MED12L: variants seen among roughly 807,000 people sequenced by gnomAD.
MED12L encodes mediator complex subunit 12L, also known as mediator of RNA polymerase II transcription subunit 12-like protein.
A neutral mutation model predicts 281.3 loss-of-function variants in MED12L; 60 were observed. The ratio of observed to expected loss-of-function variants is 0.21; its 90% confidence interval spans 0.17 to 0.26. MED12L has a LOEUF of 0.26. MED12L is among the 10% of genes least tolerant of loss of function. The pLI, the probability that MED12L is intolerant of heterozygous loss-of-function variation, is 1.00. For synonymous variants in MED12L, 974 were observed against 987.2 expected, an observed-to-expected ratio of 0.99 and a Z score of 0.25; for missense variants, 2,146 against 2,680.9, an observed-to-expected ratio of 0.80 and a Z score of 4.41.
intron 16 of MED12L, among the ~76,000 whole-genome samples, chr3:151,336,110 A>G (rs7644001): frequency 0.4 from 60,780 of 151,950 alleles, 12,484 homozygotes; most frequent in African/African-American, 0.49. Flanking sequence ...GCAAAAGAAG[A>G]AGGTTAGATT....
chr3:151,275,718 A>C (rs1047610828), intron 16 of MED12L, among the ~76,000 whole-genome samples: 1 of 152,198 alleles, frequency 6.6e-6, no homozygotes, highest in African/African-American at 2.4e-5. Context: ...GAACCAGAAA[A>C]TTTAGTAAAG....
At chr3:151,098,753 A>G (rs1721045023) in intron 2 of MED12L, among the ~76,000 whole-genome samples, 1 of 152,182 alleles carries the variant, frequency 6.6e-6, no homozygotes, top group Non-Finnish European at 1.5e-5. Flanking sequence ...TGATGTGAAT[A>G]TCTTTTAGGG....
intron 2 of MED12L, among the ~76,000 whole-genome samples, chr3:151,105,130 G>A (rs6774659): frequency 0.02 from 3,075 of 152,228 alleles, 97 homozygotes; most frequent in African/African-American, 0.07. Flanking sequence ...GAGTTGGTCT[G>A]GTACTAGCTA....
At chr3:151,195,520 A>T (rs1273140850) in intron 16 of MED12L, among the ~76,000 whole-genome samples, 1 of 152,138 alleles carries the variant, frequency 6.6e-6, no homozygotes, top group Non-Finnish European at 1.5e-5. Flanking sequence ...TGCCTGAATA[A>T]TATCTATGCT....
chr3:151,152,002 GTAGA>G (rs1369141035), intron 5 of MED12L, among the ~76,000 whole-genome samples: 2 of 150,726 alleles, frequency 1.3e-5, no homozygotes, highest in African/African-American at 2.4e-5. Flanking sequence ...GTGAGAAATG[GTAGA>G]TAGTGTTTGA....
intron 32 of MED12L, among the ~76,000 whole-genome samples, chr3:151,382,353 G>A (rs965209905): frequency 6.6e-6 from 1 of 152,098 alleles, no homozygotes; most frequent in Non-Finnish European, 1.5e-5. Context: ...ATGAGGTAAT[G>A]TATTTTAAAA....
chr3:151,214,424 A>G, intron 16 of MED12L: 1 of 939,450 alleles, frequency 1.1e-6, no homozygotes, highest in Non-Finnish European at 1.6e-6. Context: ...AGGGCAATGA[A>G]TATAGTCAAA....
chr3:151,121,905 G>A (rs560141314), intron 3 of MED12L, among the ~76,000 whole-genome samples: 19 of 151,552 alleles, frequency 1.3e-4, no homozygotes, highest in Non-Finnish European at 2.1e-4. Flanking sequence ...GTAGAGATGC[G>A]GTTTCACTGT....
rs116335174 is a variant in MED12L at position 151,395,897 on chromosome 3, G to C, written c.5820+1030G>C. ...GCATATCTCCGTTGTGTAATTTACGGCACTTCCTGCATTTGGGCCACTTAG... is the reference window on the plus strand; with the variant it reads ...GCATATCTCCGTTGTGTAATTTACGCCACTTCCTGCATTTGGGCCACTTAG... On this transcript the variant is annotated intron_variant, in intron 39 of 44. Transcript: ENST00000687756. 8.9e-3 allele frequency among the ~76,000 whole-genome samples: 1,354 copies of C among 152,276 alleles called. 22 individuals are homozygous for C. Among genetic ancestry groups the C allele is most frequent in the African/African-American group, 0.031 (1,302 of 41,546 alleles).
At chr3:151,242,280 A>G (rs1041681220) in intron 16 of MED12L, among the ~76,000 whole-genome samples, 3 of 152,254 alleles carry the variant, frequency 2.0e-5, no homozygotes, top group African/African-American at 7.2e-5. Context: ...CCACAGCTCA[A>G]GGAGGCCTGC....
At chr3:151,269,397 TCACACACACA>T (rs71801434) in intron 16 of MED12L, 45,419 of 144,620 alleles carry the variant, frequency 0.31, 7,017 homozygotes, top group South Asian at 0.36. Flanking sequence ...TGAAACTCCA[TCACACACACA>T]CACACACACA....
chr3:151,168,141 G>T (rs1489947829), intron 11 of MED12L, among the ~76,000 whole-genome samples: 1 of 152,176 alleles, frequency 6.6e-6, no homozygotes, highest in Non-Finnish European at 1.5e-5. Flanking sequence ...AAATTATGTT[G>T]CAATCTTTCT....
At chr3:151,368,636 TTTCATTTCATTTCATTTC>T (rs1755659034) in intron 25 of MED12L, among the ~76,000 whole-genome samples, 3 of 63,056 alleles carry the variant, frequency 4.8e-5, no homozygotes, top group East Asian at 4.0e-4. Context: ...TTTTATTTCA[TTTCATTTCATTTCATTTC>T]ATTTCATTTC....
At chr3:151,097,651 C>G (rs539234245) in intron 2 of MED12L, among the ~76,000 whole-genome samples, 9 of 152,338 alleles carry the variant, frequency 5.9e-5, no homozygotes, top group South Asian at 4.1e-4. Context: ...TTTTCTTTCT[C>G]TCTCCTCAGG....
At chr3:151,346,926 T>A (rs548103046) in intron 16 of MED12L, among the ~76,000 whole-genome samples, 4 of 152,322 alleles carry the variant, frequency 2.6e-5, no homozygotes, top group African/African-American at 9.6e-5. Flanking sequence ...ATTAATTTTT[T>A]ATACATTGTA....
intron 16 of MED12L, among the ~76,000 whole-genome samples, chr3:151,233,488 C>CT (rs1041255037): frequency 5.3e-5 from 8 of 152,212 alleles, no homozygotes; most frequent in African/African-American, 1.9e-4. Flanking sequence ...AATCCCAACA[C>CT]TTTGGGAGGC....
At chr3:151,323,365 T>G (rs1749213710) in intron 16 of MED12L, among the ~76,000 whole-genome samples, 1 of 152,222 alleles carries the variant, frequency 6.6e-6, no homozygotes, top group Non-Finnish European at 1.5e-5. Context: ...ATGTGGTTCT[T>G]CACCTTAGAA....
intron 16 of MED12L, among the ~76,000 whole-genome samples, chr3:151,322,340 C>G (rs2149827908): frequency 6.6e-6 from 1 of 152,094 alleles, no homozygotes; most frequent in South Asian, 2.1e-4. Flanking sequence ...TGCATGCCAC[C>G]AGGCCCAGGT....
chr3:151,166,196 A>G (rs1371923773), intron 11 of MED12L, among the ~76,000 whole-genome samples: 1 of 152,170 alleles, frequency 6.6e-6, no homozygotes, highest in African/African-American at 2.4e-5. Flanking sequence ...ATATTGATAT[A>G]TTGACGGGCA....
Sources: gnomAD v4.1 joint callset for allele counts (sites outside exome capture counted in the v4.1 genomes callset) on GRCh38, gnomAD v4.1.1 for gene constraint, MANE v1.5 for transcripts, NCBI Gene and HGNC (gene_info 2026-07-23, HGNC 2026-07-21) for gene names.